The following CHRM3 variants were observed in gnomAD, a reference collection of about 807,000 sequenced individuals.
CHRM3 encodes muscarinic acetylcholine receptor M3.
A neutral mutation model predicts 41.8 loss-of-function variants in CHRM3; 11 were observed. The observed-to-expected ratio is 0.26, with a 90% confidence interval of 0.17 to 0.44. CHRM3 has a LOEUF of 0.44. Among genes scored for constraint, CHRM3 ranks in the 20% least tolerant of loss-of-function variants. The probability of loss-of-function intolerance (pLI) is 1.00; values close to 1 mark genes in which losing one functional copy is unlikely to be tolerated. For missense variants in CHRM3, 571 were observed against 745.4 expected, an observed-to-expected ratio of 0.77 and a Z score of 2.72; for synonymous variants, 297 against 301.4, an observed-to-expected ratio of 0.99 and a Z score of 0.15.
intron 1 of CHRM3, among the ~76,000 whole-genome samples, chr1:239,410,599 G>A (rs1660989815): frequency 6.6e-6 from 1 of 152,176 alleles, no homozygotes; most frequent in Middle Eastern, 3.2e-3. Context: ...CTCACGGTCT[G>A]TCACATCTCA....
intron 6 of CHRM3, among the ~76,000 whole-genome samples, chr1:239,887,084 A>AG (rs1207130948): frequency 2.0e-5 from 3 of 152,064 alleles, no homozygotes; most frequent in African/African-American, 7.2e-5. Flanking sequence ...TTTACTTTAT[A>AG]GGGTGTGCGC....
chr1:239,428,166 A>T (rs151255206), intron 1 of CHRM3, among the ~76,000 whole-genome samples: 1 of 152,332 alleles, frequency 6.6e-6, no homozygotes, highest in East Asian at 1.9e-4. Context: ...ACTTCAAGCC[A>T]CCATGACATT....
At chr1:239,607,599 G>GT (rs1275815794) in intron 3 of CHRM3, among the ~76,000 whole-genome samples, 3 of 151,878 alleles carry the variant, frequency 2.0e-5, no homozygotes, top group East Asian at 1.9e-4. Context: ...TCTCATGGGA[G>GT]TTTTTTTACA....
chr1:239,878,694 T>TAGC lies in CHRM3; in HGVS notation c.-19-28738_-19-28736dup, dbSNP rs893399210. On this transcript the variant is annotated intron_variant, in intron 6 of 6. Transcript: ENST00000676153. ...ATCCATGCACTGACTCTGGGCCAGG[T>TAGC]AGCTTGTCGGACATGAGGGCAAAGG... is the stretch of plus-strand genomic sequence containing the variant. Among the ~76,000 whole-genome samples the TAGC allele has an allele frequency of 8.9e-4, 135 of 152,144 alleles. 2 individuals carry two copies. The highest frequency in any genetic ancestry group is 2.7e-3 in the African/African-American group (112 of 41,478).
At chr1:239,734,893 G>C (rs1472707007) in intron 5 of CHRM3, among the ~76,000 whole-genome samples, 1 of 151,960 alleles carries the variant, frequency 6.6e-6, no homozygotes, top group Non-Finnish European at 1.5e-5. Flanking sequence ...GATGGAATTC[G>C]TTATGTCTCT....
intron 3 of CHRM3, among the ~76,000 whole-genome samples, chr1:239,630,560 A>T (rs775597884): frequency 1.2e-4 from 18 of 152,156 alleles, no homozygotes; most frequent in Non-Finnish European, 2.6e-4. Context: ...TATTTGTTAG[A>T]TAGAGATGAG....
At chr1:239,875,593 T>C (rs572336237) in intron 6 of CHRM3, among the ~76,000 whole-genome samples, 1 of 152,340 alleles carries the variant, frequency 6.6e-6, no homozygotes, top group South Asian at 2.1e-4. Flanking sequence ...CCCTGCTCCA[T>C]GGAATCATGT....
At chr1:239,409,684 A>G (rs542259360) in intron 1 of CHRM3, among the ~76,000 whole-genome samples, 1 of 152,308 alleles carries the variant, frequency 6.6e-6, no homozygotes, top group Non-Finnish European at 1.5e-5. Context: ...TCTAAAAGAT[A>G]GCGGAATGTG....
intron 1 of CHRM3, among the ~76,000 whole-genome samples, chr1:239,446,126 G>A (rs990991157): frequency 7.9e-5 from 12 of 152,142 alleles, no homozygotes; most frequent in Admixed American, 2.6e-4. Context: ...TAGTAGAGAT[G>A]GGGTTTCACC....
At chr1:239,565,035 T>C (rs1433098495) in intron 3 of CHRM3, among the ~76,000 whole-genome samples, 1 of 152,194 alleles carries the variant, frequency 6.6e-6, no homozygotes, top group Non-Finnish European at 1.5e-5. Context: ...CCTTAGCTCC[T>C]GACTGTGTCA....
At chr1:239,489,231 G>A (rs1249230766) in intron 1 of CHRM3, among the ~76,000 whole-genome samples, 1 of 152,116 alleles carries the variant, frequency 6.6e-6, no homozygotes, top group African/African-American at 2.4e-5. Flanking sequence ...GACCAACATG[G>A]TGAAACCCTG....
At chr1:239,687,597 C>T (rs558955955) in intron 5 of CHRM3, among the ~76,000 whole-genome samples, 4 of 152,172 alleles carry the variant, frequency 2.6e-5, no homozygotes, top group Non-Finnish European at 5.9e-5. Flanking sequence ...ATAAATGTGA[C>T]ATGTTTTAAC....
At chr1:239,719,975 T>C (rs1353736170) in intron 5 of CHRM3, among the ~76,000 whole-genome samples, 1 of 152,010 alleles carries the variant, frequency 6.6e-6, no homozygotes, top group Non-Finnish European at 1.5e-5. Flanking sequence ...AAGCAGTTAA[T>C]TGCTTCCGAA....
At position 239,465,782 on chromosome 1, in the gene CHRM3, C is replaced by T. The variant is rs570473820; in HGVS notation, c.-520-26927C>T. 2.0e-5 allele frequency among the ~76,000 whole-genome samples: 3 copies of T among 152,172 alleles called. No individual in the cohort carries two copies. The South Asian group carries it at 6.2e-4, about 32-fold the overall frequency. On this transcript the variant is annotated intron_variant, in intron 1 of 6. Coordinates refer to ENST00000676153, the MANE Select transcript of CHRM3 (RefSeq NM_001375978.1). ...AACGTGGGTTTGAACTGCGTGGGTT[C>T]ACTTACGTGAGAATTTTTTTTCAGT...
chr1:239,623,602 C>T (rs1242519249), intron 3 of CHRM3, among the ~76,000 whole-genome samples: 11 of 79,308 alleles, frequency 1.4e-4, no homozygotes, highest in African/African-American at 1.5e-4. Flanking sequence ...CACCCACTAA[C>T]GTGTCATCTA....
chr1:239,583,239 G>A (rs1030805286), intron 3 of CHRM3, among the ~76,000 whole-genome samples: 2 of 152,136 alleles, frequency 1.3e-5, no homozygotes, highest in African/African-American at 2.4e-5. Context: ...TGTGTATTTT[G>A]TATTAAACAT....
In CHRM3 at chr1:239,913,609, C is replaced by G. The variant is rs1197188190; in HGVS notation, c.*4385C>G. ...CTGAGAAAGGTTTCTAGAATGGTAA[C>G]CCAATGTTCTTTAGAACTGGAGAAT... On this transcript the variant is annotated 3_prime_UTR_variant, in exon 7 of 7. Coordinates refer to ENST00000676153, the MANE Select transcript of CHRM3 (RefSeq NM_001375978.1). The G allele has an allele frequency of 6.0e-6, 1 of 167,016 alleles. No homozygotes were observed. Among genetic ancestry groups the G allele is most frequent in the Non-Finnish European group, 1.5e-5 (1 of 68,126 alleles). The allele number at this position is 167,016 out of a possible 1,614,324, so 10.3% of individuals were successfully genotyped here.
At chr1:239,675,033 A>AG (rs1487610367) in intron 4 of CHRM3, among the ~76,000 whole-genome samples, 6 of 152,104 alleles carry the variant, frequency 3.9e-5, no homozygotes, top group Non-Finnish European at 8.8e-5. Context: ...TTTTGATACA[A>AG]GGTTTTCTAG....
chr1:239,403,945 G>C lies in CHRM3; in HGVS notation c.-521+16718G>C, dbSNP rs561574855. ...CATTTCAGAAGGAAGGAGGGGGAGA[G>C]AGAGAGGGAGGGAGGGAGGGAGAGG... On this transcript the variant is annotated intron_variant, in intron 1 of 6. Coordinates refer to ENST00000676153, the MANE Select transcript of CHRM3 (RefSeq NM_001375978.1). Among the ~76,000 whole-genome samples, 6 of 133,148 alleles carry C rather than the reference G, an allele frequency of 4.5e-5. No homozygotes were observed. The East Asian group carries it at 1.3e-3, about 29-fold the overall frequency. 87.4% of individuals were successfully genotyped at this position (133,148 alleles called of 152,430 possible). A position where few individuals can be genotyped will look rare whatever the true frequency, so the allele number is the denominator to read the frequency against.
Sources: gnomAD v4.1 joint callset for allele counts (sites outside exome capture counted in the v4.1 genomes callset) on GRCh38, gnomAD v4.1.1 for gene constraint, MANE v1.5 for transcripts, NCBI Gene and HGNC (gene_info 2026-07-23, HGNC 2026-07-21) for gene names.